STK4: variants seen among roughly 807,000 people sequenced by gnomAD.
STK4 encodes the protein serine/threonine kinase 4.
STK4 carries 30 observed loss-of-function variants against 64.9 expected under a neutral mutation model. The observed-to-expected ratio is 0.46, with a 90% CI of 0.35 to 0.63. The LOEUF is 0.63. Ranked by LOEUF, STK4 falls within the 20% of genes least tolerant of loss-of-function variation. STK4 has a pLI of 0.01. For synonymous variants in STK4, 177 were observed against 199.0 expected (o/e 0.89, Z 0.93); for missense variants, 466 against 598.5 (o/e 0.78, Z 2.31).
chr20:45,039,752 T>A (rs746282521), intron 10 of STK4, among the ~76,000 whole-genome samples: 21 of 152,116 alleles, frequency 1.4e-4, no homozygotes, highest in Non-Finnish European at 2.5e-4. Context: ...TCAAGGACAT[T>A]CTTAAGGATT....
chr20:44,992,804 C>T (rs1366320487), intron 5 of STK4, among the ~76,000 whole-genome samples: 6 of 152,074 alleles, frequency 3.9e-5, no homozygotes, highest in South Asian at 2.1e-4. Flanking sequence ...AAGTGATTCT[C>T]GTGCTTCAGC....
intron 9 of STK4, among the ~76,000 whole-genome samples, chr20:45,016,855 A>G (rs1358307101): frequency 1.3e-5 from 2 of 152,220 alleles, no homozygotes; most frequent in African/African-American, 2.4e-5. Context: ...CACAAACAAT[A>G]TACTTTGGTC....
At chr20:45,026,922 C>A (rs375976276) in intron 10 of STK4, among the ~76,000 whole-genome samples, 13 of 152,232 alleles carry the variant, frequency 8.5e-5, no homozygotes, top group African/African-American at 3.1e-4. Flanking sequence ...AGTAGACTTA[C>A]GAAATTTGAA....
intron 10 of STK4, among the ~76,000 whole-genome samples, chr20:45,066,419 C>T (rs1009746646): frequency 6.6e-6 from 1 of 152,154 alleles, no homozygotes; most frequent in African/African-American, 2.4e-5. Context: ...TATACATACA[C>T]GTGTGTACAC....
intron 10 of STK4, among the ~76,000 whole-genome samples, chr20:45,044,967 A>G (rs1264456278): frequency 6.6e-6 from 1 of 152,202 alleles, no homozygotes; most frequent in Non-Finnish European, 1.5e-5. Context: ...CTTTGGTAGA[A>G]TTTTATTAGC....
At chr20:44,993,281 C>G (rs1432454282) in intron 5 of STK4, among the ~76,000 whole-genome samples, 1 of 151,626 alleles carries the variant, frequency 6.6e-6, no homozygotes, top group African/African-American at 2.4e-5. Flanking sequence ...TACACATATG[C>G]CATAGTGAAC....
chr20:45,075,287 C>A lies in STK4; in HGVS notation c.*111C>A. ...TCTGCTCTGTCGTCTCTCCACAGCA[C>A]CTTTGTGAACTCAGGAATGTGCGCC... On this transcript the variant is annotated 3_prime_UTR_variant, in exon 11 of 11. Transcript: ENST00000372806. 7.2e-7 allele frequency: 1 copy of A among 1,394,596 alleles called. No homozygotes were observed. Among genetic ancestry groups the A allele is most frequent in the Non-Finnish European group, 9.6e-7 (1 of 1,038,606 alleles). 86.4% of individuals were successfully genotyped at this position (1,394,596 alleles called of 1,614,324 possible).
At position 45,076,957 on chromosome 20, in the gene STK4, A is replaced by T. The variant is rs1280627897; in HGVS notation, c.*1781A>T. The T allele has an allele frequency of 1.3e-5, 2 of 152,242 alleles. No homozygotes were observed. Among genetic ancestry groups the T allele is most frequent in the African/African-American group, 4.8e-5 (2 of 41,462 alleles). 9.4% of individuals were successfully genotyped at this position (152,242 alleles called of 1,614,324 possible). A position where few individuals can be genotyped will look rare whatever the true frequency, so the allele number is the denominator to read the frequency against. Reference sequence around the variant, plus strand: ...ACGGAAAACAGAGGACAATTTGAGGATCTTGCTGGAATAATAAATGACAGC... The same window carrying T: ...ACGGAAAACAGAGGACAATTTGAGGTTCTTGCTGGAATAATAAATGACAGC... On this transcript the variant is annotated 3_prime_UTR_variant, in exon 11 of 11. Coordinates refer to ENST00000372806, the MANE Select transcript of STK4 (RefSeq NM_006282.5). The surrounding 1 kb of genome is among the most constrained non-coding windows in gnomAD (Gnocchi z 4.0).
chr20:45,010,209 GGT>G (rs2068020453), intron 9 of STK4, among the ~76,000 whole-genome samples: 1 of 151,954 alleles, frequency 6.6e-6, no homozygotes, highest in Admixed American at 6.6e-5. Flanking sequence ...TGGGATTACA[GGT>G]GCATGCCACC....
chr20:44,978,982 G>A (rs1272546609), intron 3 of STK4, among the ~76,000 whole-genome samples: 1 of 151,840 alleles, frequency 6.6e-6, no homozygotes, highest in Non-Finnish European at 1.5e-5. Context: ...TGTATTTTTA[G>A]TAGAGATGGA....
At chr20:45,000,219 TACTC>T (rs1459139546) in intron 7 of STK4, among the ~76,000 whole-genome samples, 169 bp from the exon 8 acceptor site, 1 of 152,234 alleles carries the variant, frequency 6.6e-6, no homozygotes, top group Non-Finnish European at 1.5e-5. Flanking sequence ...GAATTTGCTC[TACTC>T]AGAGTTATAA....
At chr20:45,058,832 T>G (rs1349203689) in intron 10 of STK4, among the ~76,000 whole-genome samples, 1 of 152,200 alleles carries the variant, frequency 6.6e-6, no homozygotes, top group Non-Finnish European at 1.5e-5. Flanking sequence ...TTATTTTTGA[T>G]GCCTCCCTTT....
Position 45,079,913 on chromosome 20 carries a change from C to T in STK4, c.*4737C>T, listed in dbSNP as rs1276526387. 1 of 152,302 alleles carries T rather than the reference C, an allele frequency of 6.6e-6. No individual in the cohort carries two copies. The highest frequency in any genetic ancestry group is 1.5e-5 in the Non-Finnish European group (1 of 68,040). The allele number at this position is 152,302 out of a possible 1,614,324, so 9.4% of individuals were successfully genotyped here. A position where few individuals can be genotyped will look rare whatever the true frequency, so the allele number is the denominator to read the frequency against. On this transcript the variant is annotated 3_prime_UTR_variant, in exon 11 of 11. Coordinates refer to ENST00000372806, the MANE Select transcript of STK4 (RefSeq NM_006282.5). ...TCCTTCTTTTCTTCTTCCTATACCTCATCACGTTTGTTTTAAATAAACTGT... is the reference window on the plus strand; with the variant it reads ...TCCTTCTTTTCTTCTTCCTATACCTTATCACGTTTGTTTTAAATAAACTGT...
rs114150569 is a variant in STK4, at chr20:45,020,945, G to A, written c.1148-4028G>A. 3.0e-3 allele frequency among the ~76,000 whole-genome samples: 458 copies of A among 151,654 alleles called. 2 individuals carry two copies. Among genetic ancestry groups the A allele is most frequent in the African/African-American group, 0.011 (436 of 41,292 alleles). ...TCCTGCCTCAGCCTCCCAAATATTT[G>A]AGACCACAGGTGCGTGCCACCACAC... On this transcript the variant is annotated intron_variant, in intron 9 of 10. Coordinates refer to ENST00000372806, the MANE Select transcript of STK4 (RefSeq NM_006282.5).
intron 9 of STK4, among the ~76,000 whole-genome samples, chr20:45,005,065 C>T (rs1454818641): frequency 1.3e-5 from 2 of 152,072 alleles, no homozygotes; most frequent in Non-Finnish European, 2.9e-5. Flanking sequence ...GCCACCGCGC[C>T]CAGCCTCCTT....
At chr20:44,967,308 G>A (rs1196241374) in intron 1 of STK4, 1 of 866,724 alleles carries the variant, frequency 1.2e-6, no homozygotes, top group African/African-American at 1.8e-5. Flanking sequence ...TCGAGATGGG[G>A]AGACTGAGGT....
Position 45,079,907 on chromosome 20 carries a change from A to G in STK4, c.*4731A>G, listed in dbSNP as rs1428094062. 6.6e-6 allele frequency: 1 copy of G among 152,204 alleles called. No individual in the cohort carries two copies. The highest frequency in any genetic ancestry group is 1.9e-4 in the East Asian group (1 of 5,188). 9.4% of individuals were successfully genotyped at this position (152,204 alleles called of 1,614,324 possible). A position where few individuals can be genotyped will look rare whatever the true frequency, so the allele number is the denominator to read the frequency against. On this transcript the variant is annotated 3_prime_UTR_variant, in exon 11 of 11. Transcript: ENST00000372806. The stretch of plus-strand genomic sequence containing the variant: ...TTGTTCTCCTTCTTTTCTTCTTCCT[A>G]TACCTCATCACGTTTGTTTTAAATA...
intron 10 of STK4, among the ~76,000 whole-genome samples, chr20:45,026,795 G>T (rs1333371374): frequency 6.6e-6 from 1 of 152,112 alleles, no homozygotes; most frequent in Non-Finnish European, 1.5e-5. Context: ...AAATTATGGG[G>T]CACATCTGCT....
At chr20:45,067,505 C>A (rs1009323967) in intron 10 of STK4, among the ~76,000 whole-genome samples, 6 of 152,172 alleles carry the variant, frequency 3.9e-5, no homozygotes, top group African/African-American at 1.2e-4. Context: ...TGAAATAGGC[C>A]TAAACCCTGT....
Sources: allele counts gnomAD v4.1 joint callset (sites outside exome capture counted in the v4.1 genomes callset), GRCh38; gene constraint gnomAD v4.1.1; non-coding constraint Gnocchi (gnomAD v3.1); transcripts MANE v1.5; gene names NCBI Gene and HGNC (gene_info 2026-07-23, HGNC 2026-07-21).